Variants in NPIPB7 observed in about 807,000 individuals in gnomAD.
NPIPB7 encodes the protein nuclear pore complex interacting protein family member B7, also known as nuclear pore complex-interacting protein family member B7.
For missense variants in NPIPB7, 14 were observed against 238.5 expected, an observed-to-expected ratio of 0.06 and a Z score of 6.20; for synonymous variants, 9 against 88.1, an observed-to-expected ratio of 0.10 and a Z score of 5.03.
intron 1 of NPIPB7, among the ~76,000 whole-genome samples, chr16:28,468,530 C>T (rs1239289951): frequency 2.1e-5 from 3 of 143,398 alleles, no homozygotes; most frequent in Admixed American, 1.4e-4. Context: ...CAAGGTGGGC[C>T]GGGTGTGGTG....
intron 1 of NPIPB7, among the ~76,000 whole-genome samples, chr16:28,467,328 G>A (rs1407951103): frequency 3.3e-5 from 2 of 60,062 alleles, no homozygotes. Flanking sequence ...GTGCAATCTC[G>A]GCTCACTGCA....
At chr16:28,462,281 G>A (rs1419998914) in intron 4 of NPIPB7, among the ~76,000 whole-genome samples, 86 of 141,552 alleles carry the variant, frequency 6.1e-4, no homozygotes, top group South Asian at 2.0e-3. Context: ...TTAGCTGGGC[G>A]TGGTGGTGGG....
intron 4 of NPIPB7, among the ~76,000 whole-genome samples, chr16:28,460,825 C>G (rs368242546): frequency 2.9e-5 from 2 of 68,424 alleles, no homozygotes; most frequent in Non-Finnish European, 5.8e-5. Flanking sequence ...CTCCTGCTGT[C>G]CACTTGGGAA....
chr16:28,472,170 C>T (rs2045955751), upstream of NPIPB7, among the ~76,000 whole-genome samples: 2 of 152,122 alleles, frequency 1.3e-5, no homozygotes, highest in Non-Finnish European at 2.9e-5. Flanking sequence ...CCCAGTATCT[C>T]TGGAGGTCAA....
intron 2 of NPIPB7, 147 bp from the exon 3 acceptor site, chr16:28,463,228 CTAAAAA>C (rs1486161029): frequency 2.8e-6 from 1 of 360,568 alleles, no homozygotes; most frequent in African/African-American, 3.1e-5. Flanking sequence ...CCTGTCTCTA[CTAAAAA>C]TACAAAAATT....
intron 4 of NPIPB7, among the ~76,000 whole-genome samples, chr16:28,461,820 T>A (rs2045871512): frequency 7.1e-6 from 1 of 141,064 alleles, no homozygotes; most frequent in Non-Finnish European, 1.5e-5. Flanking sequence ...TGGTGGCATA[T>A]GCCTGTAGTC....
At chr16:28,472,225 C>T (rs185287876), upstream of NPIPB7, among the ~76,000 whole-genome samples, 1 of 151,910 alleles carries the variant, frequency 6.6e-6, no homozygotes, top group African/African-American at 2.4e-5. Context: ...CCAGACTGGG[C>T]AACATAGTGA....
chr16:28,462,070 T>C (rs1373584089), intron 4 of NPIPB7, among the ~76,000 whole-genome samples: 2 of 147,818 alleles, frequency 1.4e-5, no homozygotes, highest in Non-Finnish European at 3.0e-5. Context: ...TGAGCCAAGA[T>C]TGCACCATAG....
At chr16:28,460,984 T>A in intron 4 of NPIPB7, among the ~76,000 whole-genome samples, 1 of 94,752 alleles carries the variant, frequency 1.1e-5, no homozygotes. Context: ...TACATCAAAT[T>A]GCTAACATGG....
intron 4 of NPIPB7, among the ~76,000 whole-genome samples, chr16:28,462,171 G>T (rs2045875486): frequency 6.7e-6 from 1 of 150,114 alleles, no homozygotes; most frequent in Non-Finnish European, 1.5e-5. Flanking sequence ...TCTAATCCCA[G>T]CACTTTGGGA....
Position 28,461,166 on chromosome 16 carries a change from A to G in NPIPB7, c.545+1508T>C, listed in dbSNP as rs1237376090. ...CATGCGTGGGATTAGATGGAAAACA[A>G]GTGGATTGAGGGTCTGCCAATGAAA... On this transcript the variant is annotated intron_variant, in intron 4 of 6. Coordinates refer to ENST00000452313, the Ensembl canonical transcript of NPIPB7. Among the ~76,000 whole-genome samples the G allele has an allele frequency of 1.3e-5, 2 of 150,076 alleles. 1 individual carries two copies. The highest frequency in any genetic ancestry group is 5.0e-5 in the African/African-American group (2 of 40,320).
chr16:28,465,440 A>C (rs1342418094), intron 2 of NPIPB7, among the ~76,000 whole-genome samples: 1 of 119,436 alleles, frequency 8.4e-6, no homozygotes, highest in Non-Finnish European at 1.8e-5. Flanking sequence ...AGCCGAGATC[A>C]CACCATTATA....
chr16:28,460,615 CA>C (rs1214006773), intron 4 of NPIPB7, among the ~76,000 whole-genome samples: 1 of 127,868 alleles, frequency 7.8e-6, no homozygotes, highest in Non-Finnish European at 1.7e-5. Flanking sequence ...CGCTAGGAAA[CA>C]GGGGTGAAAA....
chr16:28,467,556 A>AT (rs1270182923), intron 1 of NPIPB7, among the ~76,000 whole-genome samples: 124 of 137,576 alleles, frequency 9.0e-4, no homozygotes, highest in South Asian at 2.2e-3. Flanking sequence ...GTGCCCAGCC[A>AT]TTTTTTTTTG....
upstream of NPIPB7, among the ~76,000 whole-genome samples, chr16:28,471,876 C>G (rs2045952759): frequency 1.3e-5 from 2 of 152,040 alleles, no homozygotes; most frequent in South Asian, 4.1e-4. Context: ...TCAGGGATGT[C>G]CAAGGAATCT....
intron 1 of NPIPB7, among the ~76,000 whole-genome samples, chr16:28,467,211 C>T (rs1437284033): frequency 1.1e-5 from 1 of 90,420 alleles, no homozygotes; most frequent in Non-Finnish European, 2.4e-5. Flanking sequence ...CCACACATAA[C>T]ATACACTAAC....
chr16:28,463,622 A>C (rs2045885966), intron 2 of NPIPB7, among the ~76,000 whole-genome samples: 1 of 143,006 alleles, frequency 7.0e-6, no homozygotes, highest in Admixed American at 7.2e-5. Flanking sequence ...GCTAGTCGGG[A>C]GGCTGAGGCA....
intron 4 of NPIPB7, among the ~76,000 whole-genome samples, chr16:28,458,814 CAGG>C (rs1254465987): frequency 3.2e-5 from 1 of 31,604 alleles, no homozygotes; most frequent in Non-Finnish European, 7.0e-5. Flanking sequence ...ATCACGAGGT[CAGG>C]AGATTGAGAC....
rs550833262 is a variant in NPIPB7 at position 28,470,501 on chromosome 16, G to T, written c.-63C>A. On this transcript the variant is annotated 5_prime_UTR_variant, in exon 1 of 7. Coordinates refer to ENST00000452313, the Ensembl canonical transcript of NPIPB7. Reference sequence around the variant, plus strand: ...CAGAGGTGGAGGTGGCTTAGGGCAGGGGGGAGGGAAGGGGACGGGGACCGG... The same window carrying T: ...CAGAGGTGGAGGTGGCTTAGGGCAGTGGGGAGGGAAGGGGACGGGGACCGG... 4.8e-5 allele frequency: 69 copies of T among 1,437,960 alleles called. No homozygotes were observed. In the Middle Eastern group the frequency reaches 8.0e-4, roughly 17 times the overall value. The allele number at this position is 1,437,960 out of a possible 1,614,324, so 89.1% of individuals were successfully genotyped here. A position where few individuals can be genotyped will look rare whatever the true frequency, so the allele number is the denominator to read the frequency against.
Sources: gnomAD v4.1 joint callset for allele counts (sites outside exome capture counted in the v4.1 genomes callset) on GRCh38, gnomAD v4.1.1 for gene constraint, MANE v1.5 for transcripts, NCBI Gene and HGNC (gene_info 2026-07-23, HGNC 2026-07-21) for gene names.